Variants in GRM1 observed in about 807,000 individuals in gnomAD.
The protein encoded by GRM1 is glutamate metabotropic receptor 1, also known as metabotropic glutamate receptor 1.
Under a neutral mutation model 90.9 loss-of-function variants are expected in GRM1, and 33 were observed. That is an observed-to-expected ratio of 0.36 (90% CI 0.28 to 0.49). The LOEUF (loss-of-function observed/expected upper bound fraction) is 0.49, where lower values mean the gene tolerates loss of function less well. Among genes scored for constraint, GRM1 ranks in the 20% least tolerant of loss-of-function variants. The probability of loss-of-function intolerance (pLI) is 0.99; values close to 1 mark genes in which losing one functional copy is unlikely to be tolerated. For synonymous variants in GRM1, 700 were observed against 613.2 expected (o/e 1.14, Z -2.09); for missense variants, 1,190 against 1,534.3 (o/e 0.78, Z 3.75).
chr6:146,107,303 G>A (rs999239883), intron 1 of GRM1, among the ~76,000 whole-genome samples: 1 of 151,574 alleles, frequency 6.6e-6, no homozygotes, highest in African/African-American at 2.4e-5. Context: ...AAACATCCAG[G>A]TGTAATGTAG....
chr6:146,235,474 C>T lies in GRM1; in HGVS notation c.951-69137C>T, dbSNP rs75421945. 8.9e-3 allele frequency among the ~76,000 whole-genome samples: 1,353 copies of T among 152,066 alleles called. 19 individuals carry two copies. Among genetic ancestry groups the T allele is most frequent in the African/African-American group, 0.03 (1,250 of 41,482 alleles). On this transcript the variant is annotated intron_variant, in intron 2 of 7. Transcript: ENST00000282753. Reference sequence around the variant, plus strand: ...GGATAAAAAATTCTCTGCCATAATACCCTCAAATTTCATTTGTTACTTTAT... The same window carrying T: ...GGATAAAAAATTCTCTGCCATAATATCCTCAAATTTCATTTGTTACTTTAT...
intron 1 of GRM1, among the ~76,000 whole-genome samples, chr6:146,043,023 C>G (rs1345452346): frequency 6.6e-6 from 1 of 151,890 alleles, no homozygotes; most frequent in Non-Finnish European, 1.5e-5. Context: ...AGGGGCCACC[C>G]ACAGTGGCTC....
intron 3 of GRM1, among the ~76,000 whole-genome samples, chr6:146,318,448 G>C (rs1359543308): frequency 6.6e-6 from 1 of 152,146 alleles, no homozygotes; most frequent in Non-Finnish European, 1.5e-5. Flanking sequence ...ATTGTGAAAA[G>C]TGCTGCAATA....
intron 3 of GRM1, among the ~76,000 whole-genome samples, chr6:146,325,755 A>G (rs1292269407): frequency 2.0e-5 from 3 of 152,180 alleles, no homozygotes; most frequent in Non-Finnish European, 4.4e-5. Flanking sequence ...ATTTTAATTT[A>G]TATCTTTTTA....
At chr6:146,153,500 T>C (rs979444124) in intron 1 of GRM1, among the ~76,000 whole-genome samples, 1 of 152,190 alleles carries the variant, frequency 6.6e-6, no homozygotes, top group African/African-American at 2.4e-5. Context: ...TTAGGTATCA[T>C]GAGAGAAATG....
At chr6:146,150,151 G>A (rs1777270690) in intron 1 of GRM1, among the ~76,000 whole-genome samples, 1 of 152,040 alleles carries the variant, frequency 6.6e-6, no homozygotes. Context: ...TCTCTGCTGG[G>A]GAAGAGAAAT....
At chr6:146,118,140 C>CTTTTTTTTTTTTT (rs67033918) in intron 1 of GRM1, among the ~76,000 whole-genome samples, 1 of 115,456 alleles carries the variant, frequency 8.7e-6, no homozygotes, top group Non-Finnish European at 1.7e-5. Flanking sequence ...TTCTTCTTTT[C>CTTTTTTTTTTTTT]TTTTTTTTTT....
chr6:146,312,096 C>G (rs1412816732), intron 3 of GRM1, among the ~76,000 whole-genome samples: 2 of 152,002 alleles, frequency 1.3e-5, no homozygotes, highest in Non-Finnish European at 2.9e-5. Context: ...AATCCCAGCA[C>G]TTTGGGAGGC....
In GRM1 at chr6:146,375,192, T is replaced by C. The variant is rs58638369; in HGVS notation, c.1603-11698T>C. Among the ~76,000 whole-genome samples the C allele has an allele frequency of 9.7e-3, 1,477 of 152,208 alleles. 22 individuals are homozygous for C. The highest frequency in any genetic ancestry group is 0.034 in the African/African-American group (1,406 of 41,554). On this transcript the variant is annotated intron_variant, in intron 5 of 7. Coordinates refer to ENST00000282753, the MANE Select transcript of GRM1 (RefSeq NM_001278064.2). ...TAGTTTGTGTAGTGTCCAGAATTCCTCTTGTTATTCATTTCTACTTTTATT... is the reference window on the plus strand; with the variant it reads ...TAGTTTGTGTAGTGTCCAGAATTCCCCTTGTTATTCATTTCTACTTTTATT...
At chr6:146,418,929 G>T (rs936785316) in intron 7 of GRM1, among the ~76,000 whole-genome samples, 1 of 152,064 alleles carries the variant, frequency 6.6e-6, no homozygotes, top group Non-Finnish European at 1.5e-5. Flanking sequence ...AAAAATTGGG[G>T]CATATGAAAG....
chr6:146,334,320 T>G (rs949029324), intron 3 of GRM1, among the ~76,000 whole-genome samples: 5 of 152,224 alleles, frequency 3.3e-5, no homozygotes, highest in African/African-American at 1.2e-4. Context: ...GTCTCTCTCA[T>G]GTCCCAGGTT....
At chr6:146,328,426 G>A (rs889575205) in intron 3 of GRM1, among the ~76,000 whole-genome samples, 2 of 152,080 alleles carry the variant, frequency 1.3e-5, no homozygotes, top group Non-Finnish European at 2.9e-5. Context: ...TTTACTCCTT[G>A]GTATGTGTGG....
chr6:146,228,060 T>C (rs1387229210), intron 2 of GRM1, among the ~76,000 whole-genome samples: 5 of 152,170 alleles, frequency 3.3e-5, no homozygotes, highest in Non-Finnish European at 5.9e-5. Flanking sequence ...TTGTACAAAA[T>C]GTTAAGGCCT....
intron 7 of GRM1, among the ~76,000 whole-genome samples, chr6:146,409,913 G>T (rs939928752): frequency 1.2e-4 from 18 of 152,080 alleles, no homozygotes; most frequent in Admixed American, 5.9e-4. Flanking sequence ...ACAACTCTTT[G>T]AAAGAAATCA....
At chr6:146,420,902 T>C (rs1020009329) in intron 7 of GRM1, among the ~76,000 whole-genome samples, 1 of 152,142 alleles carries the variant, frequency 6.6e-6, no homozygotes, top group Non-Finnish European at 1.5e-5. Context: ...CATAATAAAA[T>C]AATTTATCTA....
chr6:146,324,833 C>T (rs938766246), intron 3 of GRM1, among the ~76,000 whole-genome samples: 2 of 152,230 alleles, frequency 1.3e-5, no homozygotes, highest in Non-Finnish European at 2.9e-5. Context: ...CTGTGTTGAT[C>T]TTGCTGGGAG....
chr6:146,269,484 G>C (rs998617901), intron 2 of GRM1, among the ~76,000 whole-genome samples: 1 of 152,162 alleles, frequency 6.6e-6, no homozygotes, highest in Non-Finnish European at 1.5e-5. Context: ...GATTTTGGCT[G>C]GTTGTTTCAG....
intron 1 of GRM1, among the ~76,000 whole-genome samples, chr6:146,155,992 G>A (rs148206966): frequency 6.6e-6 from 1 of 152,226 alleles, no homozygotes; most frequent in African/African-American, 2.4e-5. Context: ...GGCCAATCAG[G>A]AGCCTACGGC....
chr6:146,398,182 CATTCA>C (rs1197189198), intron 6 of GRM1, among the ~76,000 whole-genome samples: 1 of 152,118 alleles, frequency 6.6e-6, no homozygotes, highest in Non-Finnish European at 1.5e-5. Flanking sequence ...AGATACAGAT[CATTCA>C]TGATTCATGA....
Sources: gnomAD v4.1 joint callset for allele counts (sites outside exome capture counted in the v4.1 genomes callset) on GRCh38, gnomAD v4.1.1 for gene constraint, MANE v1.5 for transcripts, NCBI Gene and HGNC (gene_info 2026-07-23, HGNC 2026-07-21) for gene names.